Variants in NXF2 observed in about 807,000 individuals in gnomAD.
The protein encoded by NXF2 is nuclear RNA export factor 2.
chrX:102,282,417 G>T (rs1475991674), intron 2 of NXF2, among the ~76,000 whole-genome samples: 1 of 114,492 alleles, frequency 8.7e-6, no homozygotes, highest in African/African-American at 3.2e-5. Flanking sequence ...GGCCAGGGGT[G>T]GGGGAGGGGT....
chrX:102,282,005 A>T (rs1933922332), intron 2 of NXF2, among the ~76,000 whole-genome samples: 1 of 32,267 alleles, frequency 3.1e-5, no homozygotes, highest in African/African-American at 8.5e-5. Context: ...TTTTTAGTAG[A>T]GACGGGGTTC....
intron 2 of NXF2, among the ~76,000 whole-genome samples, chrX:102,281,728 A>ACCCCC (rs61468793): frequency 1.8e-5 from 1 of 55,638 alleles, no homozygotes; most frequent in Non-Finnish European, 3.2e-5. Context: ...ATGTCGTGTG[A>ACCCCC]CCCCCCCCCT....
At chrX:102,282,280 G>C (rs1556384088) in intron 2 of NXF2, among the ~76,000 whole-genome samples, 1 of 112,953 alleles carries the variant, frequency 8.9e-6, no homozygotes, top group Non-Finnish European at 1.9e-5. Context: ...CTGTTGGGGG[G>C]GCATGAGCTG....
chrX:102,282,479 G>T (rs1308285861), intron 2 of NXF2, among the ~76,000 whole-genome samples: 1 of 105,020 alleles, frequency 9.5e-6, no homozygotes, highest in African/African-American at 3.5e-5. Context: ...ATGCTTCCAG[G>T]TTTTGGCCTT....
intron 2 of NXF2, among the ~76,000 whole-genome samples, chrX:102,252,032 G>A (rs782297106): frequency 3.1e-4 from 35 of 112,433 alleles, no homozygotes; most frequent in Middle Eastern, 4.6e-3. Flanking sequence ...TCGCTTTGTC[G>A]TCCAGGCTGG....
intron 2 of NXF2, among the ~76,000 whole-genome samples, chrX:102,251,891 A>T (rs1602437766): frequency 1.8e-5 from 2 of 111,596 alleles, no homozygotes; most frequent in East Asian, 5.7e-4. Flanking sequence ...AAATGGATTG[A>T]TTATTTTTTT....
In NXF2 at chrX:102,298,850, T is replaced by C. The variant is rs1227133649; in HGVS notation, c.-53-8176T>C. Reference sequence around the variant, plus strand: ...CTAAGAAAGGTCAAGTATCATGAAGTAAAAGAGAGGTTCTATTAGTAATAG... The same window carrying C: ...CTAAGAAAGGTCAAGTATCATGAAGCAAAAGAGAGGTTCTATTAGTAATAG... On this transcript the variant is annotated intron_variant, in intron 2 of 22. Coordinates refer to ENST00000625106, the MANE Select transcript of NXF2 (RefSeq NM_022053.4). Among the ~76,000 whole-genome samples, 10 of 109,807 alleles carry C rather than the reference T, an allele frequency of 9.1e-5. No individual in the cohort carries two copies. The East Asian group carries it at 2.4e-3, about 26-fold the overall frequency.
At chrX:102,298,721 A>G (rs191267624) in intron 2 of NXF2, among the ~76,000 whole-genome samples, 1 of 114,629 alleles carries the variant, frequency 8.7e-6, no homozygotes, top group East Asian at 2.7e-4. Flanking sequence ...TAAACCACTT[A>G]GCCCTTATTC....
intron 2 of NXF2, among the ~76,000 whole-genome samples, chrX:102,281,672 C>T (rs1488822947): frequency 7.6e-5 from 8 of 104,929 alleles, no homozygotes; most frequent in East Asian, 3.5e-4. Context: ...GGTTAGGGGA[C>T]GGGTGATGCC....
intron 2 of NXF2, among the ~76,000 whole-genome samples, chrX:102,254,067 T>C (rs1407541335): frequency 4.6e-5 from 1 of 21,591 alleles, no homozygotes; most frequent in Non-Finnish European, 8.4e-5. Context: ...ATTATTTCAC[T>C]ATTATTTCAT....
At chrX:102,281,806 C>CT (rs1281158246) in intron 2 of NXF2, among the ~76,000 whole-genome samples, 1 of 73,382 alleles carries the variant, frequency 1.4e-5, no homozygotes, top group South Asian at 1.3e-3. Context: ...AGTTGCAGTT[C>CT]TTTTTTTTGT....
chrX:102,293,524 CATATATATATATATAT>C lies in NXF2; in HGVS notation c.-53-13475_-53-13460del, dbSNP rs1176337938. On this transcript the variant is annotated intron_variant, in intron 2 of 22. Transcript: ENST00000625106. ...GTACTTTTCTTTCTCTCTTTCTTTCCATATATATATATATATATATATATATATATATATATATATA... is the reference window on the plus strand; with the variant it reads ...GTACTTTTCTTTCTCTCTTTCTTTCCATATATATATATATATATATATATA... Among the ~76,000 whole-genome samples the C allele has an allele frequency of 4.3e-3, 37 of 8,683 alleles. 2 individuals are homozygous for C. Among genetic ancestry groups the C allele is most frequent in the South Asian group, 0.02 (2 of 99 alleles). The allele number at this position is 8,683 out of a possible 115,157, so 7.5% of individuals were successfully genotyped here. A position where few individuals can be genotyped will look rare whatever the true frequency, so the allele number is the denominator to read the frequency against.
intron 2 of NXF2, among the ~76,000 whole-genome samples, chrX:102,251,913 T>C (rs782613861): frequency 2.4e-4 from 27 of 114,109 alleles, no homozygotes; most frequent in South Asian, 1.7e-3. Context: ...TTTCATTGCC[T>C]CCGGAATTTG....
chrX:102,294,146 A>G (rs1384182543), intron 2 of NXF2, among the ~76,000 whole-genome samples: 2 of 100,488 alleles, frequency 2.0e-5, no homozygotes, highest in Non-Finnish European at 3.9e-5. Flanking sequence ...CATATGTAAC[A>G]AACCTGCACG....
At chrX:102,299,023 T>C (rs1455452149) in intron 2 of NXF2, among the ~76,000 whole-genome samples, 487 of 67,681 alleles carry the variant, frequency 7.2e-3, no homozygotes, top group African/African-American at 0.028. Flanking sequence ...TCAAGCTAAT[T>C]AATATATCCA....
intron 2 of NXF2, 86 bp downstream of exon 2, chrX:102,248,644 C>A (rs1390269716): frequency 7.2e-5 from 6 of 82,898 alleles, no homozygotes; most frequent in Non-Finnish European, 1.1e-4. Context: ...GCAAGCACAC[C>A]TGTTTTATTC....
intron 2 of NXF2, among the ~76,000 whole-genome samples, chrX:102,251,940 C>T (rs1202476308): frequency 8.8e-6 from 1 of 113,566 alleles, no homozygotes; most frequent in Non-Finnish European, 1.9e-5. Flanking sequence ...AGTTAGAAAG[C>T]TTTTCCCTAC....
chrX:102,251,319 G>A (rs1318747148), intron 2 of NXF2, among the ~76,000 whole-genome samples: 1 of 50,546 alleles, frequency 2.0e-5, no homozygotes, highest in Non-Finnish European at 3.4e-5. Context: ...TTACTCCCGC[G>A]AATAACCCTG....
At chrX:102,294,251 C>T (rs1157725784) in intron 2 of NXF2, among the ~76,000 whole-genome samples, 275 of 102,097 alleles carry the variant, frequency 2.7e-3, no homozygotes, top group African/African-American at 9.5e-3. Context: ...CAAAGACCTA[C>T]GGTAGGAAGC....
Sources: allele counts gnomAD v4.1 joint callset (sites outside exome capture counted in the v4.1 genomes callset), GRCh38; gene constraint gnomAD v4.1.1; transcripts MANE v1.5; gene names NCBI Gene and HGNC (gene_info 2026-07-23, HGNC 2026-07-21).